The following LIMA1 variants were observed in gnomAD, a reference collection of about 807,000 sequenced individuals.
The protein encoded by LIMA1 is LIM domain and actin binding 1.
LIMA1 carries 52 observed loss-of-function variants against 62.6 expected under a neutral mutation model. The ratio of observed to expected loss-of-function variants is 0.83; its 90% confidence interval spans 0.67 to 1.05. The LOEUF (loss-of-function observed/expected upper bound fraction) is 1.05. LIMA1 is among the 50% of genes least tolerant of loss of function. The pLI is 0.00. For missense variants in LIMA1, 780 were observed against 902.2 expected (o/e 0.86, Z 1.74); for synonymous variants, 302 against 317.8 (o/e 0.95, Z 0.53).
At chr12:50,193,665 TA>T (rs66714652) in intron 8 of LIMA1, among the ~76,000 whole-genome samples, 18,787 of 94,006 alleles carry the variant, frequency 0.2, 2,930 homozygotes, top group South Asian at 0.27. Context: ...TATATATATA[TA>T]TTTTTTTTTT....
chr12:50,206,409 G>A (rs557283787), intron 4 of LIMA1, among the ~76,000 whole-genome samples: 17 of 152,010 alleles, frequency 1.1e-4, no homozygotes, highest in South Asian at 4.2e-4. Context: ...TCCTTTCTCC[G>A]TCTCATGTTA....
intron 9 of LIMA1, chr12:50,185,799 C>T (rs921064357): frequency 4.5e-6 from 1 of 222,826 alleles, no homozygotes; most frequent in African/African-American, 2.3e-5. Flanking sequence ...GTCTGTCTTC[C>T]TCCTTAACAT....
intron 2 of LIMA1, among the ~76,000 whole-genome samples, chr12:50,237,967 T>A (rs1941720162): frequency 6.6e-6 from 1 of 152,240 alleles, no homozygotes; most frequent in Non-Finnish European, 1.5e-5. Flanking sequence ...GAGCTGAAAC[T>A]ATAAAACTCT....
rs71441354 is a variant in LIMA1 at position 50,280,144 on chromosome 12, A to ATTTTTTTTTTTTT, written c.-24+3263_-24+3275dup. 8.8e-5 allele frequency among the ~76,000 whole-genome samples: 6 copies of ATTTTTTTTTTTTT among 68,310 alleles called. 2 individuals carry two copies. Among genetic ancestry groups the ATTTTTTTTTTTTT allele is most frequent in the Non-Finnish European group, 8.1e-5 (3 of 36,960 alleles). The allele number at this position is 68,310 out of a possible 152,430, so 44.8% of individuals were successfully genotyped here. A position where few individuals can be genotyped will look rare whatever the true frequency, so the allele number is the denominator to read the frequency against. ...AAGTTCTTAGTTTCAGGGTAGTAGT[A>ATTTTTTTTTTTTT]TTTTTTTTTTTTTTTTTTTTTTTTT... On this transcript the variant is annotated intron_variant, in intron 1 of 10. Transcript: ENST00000341247.
chr12:50,213,688 G>A lies in LIMA1; in HGVS notation c.631-7620C>T, dbSNP rs1025049739. Among the ~76,000 whole-genome samples the A allele has an allele frequency of 1.2e-4, 19 of 152,336 alleles. No individual in the cohort carries two copies. In the East Asian group the frequency reaches 2.5e-3, roughly 20 times the overall value. Reference sequence around the variant, plus strand: ...AATATATTCATCTGGATACACACCTGTGTTGTCTAATTTAGGAATGAGCCC... The same window carrying A: ...AATATATTCATCTGGATACACACCTATGTTGTCTAATTTAGGAATGAGCCC... On this transcript the variant is annotated intron_variant, in intron 4 of 10. Transcript: ENST00000341247.
At chr12:50,200,374 T>C (rs1190051157) in intron 7 of LIMA1, among the ~76,000 whole-genome samples, 1 of 151,914 alleles carries the variant, frequency 6.6e-6, no homozygotes, top group Non-Finnish European at 1.5e-5. Flanking sequence ...CGGCTTTTTA[T>C]ATTTTTAGTA....
At chr12:50,247,009 G>A (rs776006198) in intron 2 of LIMA1, among the ~76,000 whole-genome samples, 7 of 152,156 alleles carry the variant, frequency 4.6e-5, no homozygotes, top group Non-Finnish European at 1.0e-4. Flanking sequence ...AGTGGTGTGT[G>A]CCTATAGTCC....
intron 1 of LIMA1, among the ~76,000 whole-genome samples, chr12:50,261,789 C>T (rs1375570648): frequency 6.6e-6 from 1 of 152,164 alleles, no homozygotes; most frequent in African/African-American, 2.4e-5. Context: ...AGCTCAACCT[C>T]CCAAAGTGCT....
At position 50,176,475 on chromosome 12, in the gene LIMA1, C is replaced by T. The variant is rs955817583; in HGVS notation, c.*589G>A. 1.3e-4 allele frequency: 20 copies of T among 152,262 alleles called. No homozygotes were observed. The highest frequency in any genetic ancestry group is 4.8e-4 in the African/African-American group (20 of 41,406). 9.4% of individuals were successfully genotyped at this position (152,262 alleles called of 1,614,324 possible). A position where few individuals can be genotyped will look rare whatever the true frequency, so the allele number is the denominator to read the frequency against. On this transcript the variant is annotated 3_prime_UTR_variant, in exon 11 of 11. Transcript: ENST00000341247. The stretch of plus-strand genomic sequence containing the variant: ...GTATTATACCTCAGGACGTCGAGTT[C>T]AGGATGTAGTTTAGAGAGCAGGACA...
intron 7 of LIMA1, among the ~76,000 whole-genome samples, chr12:50,197,094 T>C (rs1940945993): frequency 7.2e-6 from 1 of 139,328 alleles, no homozygotes; most frequent in African/African-American, 2.7e-5. Flanking sequence ...TTTTTTTGAA[T>C]GGAGTCTTGC....
chr12:50,190,560 A>G (rs1157345131), intron 9 of LIMA1, among the ~76,000 whole-genome samples: 6 of 108,508 alleles, frequency 5.5e-5, no homozygotes, highest in Non-Finnish European at 7.8e-5. Context: ...TTGTACTTTT[A>G]GTAGAGATGG....
intron 1 of LIMA1, among the ~76,000 whole-genome samples, chr12:50,282,546 T>C (rs1942352726): frequency 6.6e-6 from 1 of 152,202 alleles, no homozygotes; most frequent in African/African-American, 2.4e-5. Context: ...TATTTTTTTG[T>C]AGAGACAAGG....
intron 4 of LIMA1, among the ~76,000 whole-genome samples, chr12:50,214,535 G>A (rs1010955084): frequency 7.2e-5 from 11 of 152,228 alleles, no homozygotes; most frequent in African/African-American, 2.7e-4. Flanking sequence ...TTGGCTGGGC[G>A]CAGTGGCTCA....
intron 3 of LIMA1, among the ~76,000 whole-genome samples, chr12:50,228,566 T>TG (rs1169613006): frequency 6.6e-6 from 1 of 152,198 alleles, no homozygotes; most frequent in Non-Finnish European, 1.5e-5. Flanking sequence ...AGCTAAGTCA[T>TG]GAGACCACTT....
At chr12:50,266,958 G>A (rs938836156) in intron 1 of LIMA1, among the ~76,000 whole-genome samples, 12 of 151,576 alleles carry the variant, frequency 7.9e-5, no homozygotes, top group Non-Finnish European at 1.5e-4. Flanking sequence ...GCAGTGGCCT[G>A]ATCTTGGCTC....
intron 1 of LIMA1, among the ~76,000 whole-genome samples, chr12:50,276,210 C>T (rs1942274151): frequency 6.6e-6 from 1 of 152,076 alleles, no homozygotes; most frequent in South Asian, 2.1e-4. Context: ...GATTAAAGAA[C>T]TCTTATCACC....
rs150552424 is a variant in LIMA1 at position 50,179,330 on chromosome 12, C to T, written c.1275-1261G>A. Among the ~76,000 whole-genome samples the T allele has an allele frequency of 3.9e-3, 598 of 152,040 alleles. 4 individuals carry two copies. Among genetic ancestry groups the T allele is most frequent in the African/African-American group, 0.013 (547 of 41,502 alleles). ...CAAATTTTTGTATTTTTAGTAGAGA[C>T]GGGGTTTCACCATGTTGGCCAGGAT... On this transcript the variant is annotated intron_variant, in intron 10 of 10. Transcript: ENST00000341247.
Position 50,204,653 on chromosome 12 carries a change from G to A in LIMA1, c.763C>T (p.Arg255Ter), listed in dbSNP as rs1363927789. 2 of 1,614,114 alleles carry A rather than the reference G, an allele frequency of 1.2e-6. No homozygotes were observed. Among genetic ancestry groups the A allele is most frequent in the Non-Finnish European group, 1.7e-6 (2 of 1,180,000 alleles). Reference sequence around the variant, plus strand: ...GAGAGGCGTGGAAGTTCCAGATTTCGTCTACTCTCATTTTTCTCCGAGTCA... The same window carrying A: ...GAGAGGCGTGGAAGTTCCAGATTTCATCTACTCTCATTTTTCTCCGAGTCA... Reference protein sequence around the residue: ...TFDSEKNESRRNLELPRLSET... With the variant: ...TFDSEKNESR The change falls in exon 6 of 11, where the codon CGA becomes TGA. Residue 255 changes from arginine to a stop codon, truncating the protein, a stop_gained. Transcript: ENST00000341247. LOFTEE classifies it high-confidence loss of function.
chr12:50,215,121 G>T (rs1401854208), intron 4 of LIMA1, among the ~76,000 whole-genome samples: 1 of 152,122 alleles, frequency 6.6e-6, no homozygotes, highest in East Asian at 1.9e-4. Context: ...CTTTAGCTTG[G>T]TTGCCTTACT....
Sources: gnomAD v4.1 joint callset for allele counts (sites outside exome capture counted in the v4.1 genomes callset) on GRCh38, gnomAD v4.1.1 for gene constraint, MANE v1.5 for transcripts, NCBI Gene and HGNC (gene_info 2026-07-23, HGNC 2026-07-21) for gene names.